Variants in SNX9 observed in about 807,000 individuals in gnomAD.
SNX9 encodes sorting nexin-9.
In SNX9, 44 loss-of-function variants were observed where a neutral mutation model predicts 89.4. The ratio of observed to expected loss-of-function variants is 0.49; its 90% confidence interval spans 0.39 to 0.63. SNX9 has a LOEUF of 0.63. Among genes scored for constraint, SNX9 ranks in the 30% least tolerant of loss-of-function variants. The pLI is 0.00. For missense variants in SNX9, 578 were observed against 736.1 expected (o/e 0.79, Z 2.49); for synonymous variants, 236 against 247.8 (o/e 0.95, Z 0.45).
chr6:157,826,592 G>A (rs1781349494), intron 1 of SNX9, among the ~76,000 whole-genome samples: 1 of 149,434 alleles, frequency 6.7e-6, no homozygotes, highest in Middle Eastern at 3.2e-3. Context: ...TCAGTAGAGT[G>A]CTGCATTCAG....
At chr6:157,900,107 C>G (rs892273999) in intron 5 of SNX9, among the ~76,000 whole-genome samples, 13 of 152,166 alleles carry the variant, frequency 8.5e-5, no homozygotes, top group African/African-American at 2.4e-4. Context: ...CTCCCTGCCC[C>G]TGGTAACCAC....
chr6:157,867,853 A>G (rs1202615015), intron 2 of SNX9, among the ~76,000 whole-genome samples: 1 of 152,200 alleles, frequency 6.6e-6, no homozygotes, highest in African/African-American at 2.4e-5. Flanking sequence ...TACAGGAAAA[A>G]AGTTCCCTAA....
At chr6:157,834,150 G>A (rs11752421) in intron 1 of SNX9, among the ~76,000 whole-genome samples, 6 of 35,642 alleles carry the variant, frequency 1.7e-4, no homozygotes, top group African/African-American at 6.1e-4. Flanking sequence ...GTCCACTGTG[G>A]TTTTTTTTTT....
chr6:157,891,881 T>C (rs898264969), intron 4 of SNX9, among the ~76,000 whole-genome samples: 3 of 152,126 alleles, frequency 2.0e-5, no homozygotes, highest in Admixed American at 2.0e-4. Context: ...AGTTTGAAGC[T>C]TCAGAGTGAA....
intron 3 of SNX9, among the ~76,000 whole-genome samples, chr6:157,873,817 G>T (rs1782466505): frequency 1.3e-5 from 2 of 151,998 alleles, no homozygotes; most frequent in South Asian, 4.2e-4. Flanking sequence ...GCTGCTGTGG[G>T]GATCTCCTGG....
chr6:157,837,146 G>A (rs1010256602), intron 1 of SNX9, among the ~76,000 whole-genome samples: 11 of 152,202 alleles, frequency 7.2e-5, no homozygotes, highest in African/African-American at 2.2e-4. Flanking sequence ...TCACAGATCC[G>A]TAAAATATTC....
chr6:157,835,424 T>A (rs1357178436), intron 1 of SNX9, among the ~76,000 whole-genome samples: 1 of 151,642 alleles, frequency 6.6e-6, no homozygotes, highest in African/African-American at 2.4e-5. Context: ...TTTTTTTTTT[T>A]TTTTTTTAAA....
intron 9 of SNX9, among the ~76,000 whole-genome samples, chr6:157,910,984 G>A (rs138556209): frequency 2.2e-3 from 338 of 152,238 alleles, no homozygotes; most frequent in Non-Finnish European, 3.9e-3. Context: ...GTGGTGGTGT[G>A]CACCTGTAGT....
chr6:157,934,462 A>T (rs9458889), intron 13 of SNX9, among the ~76,000 whole-genome samples: 32,928 of 152,160 alleles, frequency 0.22, 3,632 homozygotes, highest in Non-Finnish European at 0.23. Context: ...AAAACAAATG[A>T]TACATCAAAA....
intron 5 of SNX9, among the ~76,000 whole-genome samples, chr6:157,898,887 G>A (rs1396824007): frequency 6.6e-6 from 1 of 152,202 alleles, no homozygotes; most frequent in African/African-American, 2.4e-5. Context: ...CAGGGGTGTG[G>A]GCTGGGTAGA....
At chr6:157,897,676 G>A (rs934708657) in intron 5 of SNX9, among the ~76,000 whole-genome samples, 5 of 151,926 alleles carry the variant, frequency 3.3e-5, no homozygotes, top group South Asian at 2.1e-4. Flanking sequence ...CGCCACACCC[G>A]GCTGATTTTT....
chr6:157,851,462 T>C (rs1781909612), intron 1 of SNX9, among the ~76,000 whole-genome samples: 1 of 152,142 alleles, frequency 6.6e-6, no homozygotes, highest in South Asian at 2.1e-4. Flanking sequence ...CCATCCCAAA[T>C]AGAAACTCTG....
intron 13 of SNX9, among the ~76,000 whole-genome samples, chr6:157,933,651 G>T (rs566896267): frequency 2.6e-4 from 40 of 152,298 alleles, no homozygotes; most frequent in African/African-American, 9.1e-4. Flanking sequence ...AGAGCTGAGA[G>T]CAAGCCACGC....
chr6:157,896,905 G>T lies in SNX9; in HGVS notation c.379G>T (p.Ala127Ser). ...CTGGGAAAGCTCAGAAGGCTGGGGG[G>T]CCCAGCCAGAGGGGGCTGGAGCCCA... is the stretch of plus-strand genomic sequence containing the variant. ...GNWESSEGWG[A>S]QPEGAGAQRN... Residue 127 changes from alanine to serine, a missense_variant, in exon 5 of 18, where the codon GCC becomes TCC. Physicochemically the swap from Ala to Ser is moderately conservative, Grantham distance 99. Transcript: ENST00000392185. The T allele has an allele frequency of 6.2e-7, 1 of 1,613,384 alleles. No homozygotes were observed. Among genetic ancestry groups the T allele is most frequent in the South Asian group, 1.1e-5 (1 of 91,004 alleles).
chr6:157,851,268 A>C (rs73573834), intron 1 of SNX9, among the ~76,000 whole-genome samples: 12,301 of 151,306 alleles, frequency 0.081, 670 homozygotes, highest in African/African-American at 0.15. Context: ...AAAAAAAAAA[A>C]ACCCTAAAAT....
rs568236822 is a variant in SNX9 at position 157,938,501 on chromosome 6, C to T, written c.1534-132C>T. 3.3e-5 allele frequency: 19 copies of T among 581,746 alleles called. No homozygotes were observed. The South Asian group carries it at 4.9e-4, about 15-fold the overall frequency. The allele number at this position is 581,746 out of a possible 1,614,324, so 36.0% of individuals were successfully genotyped here. On this transcript the variant is annotated intron_variant, in intron 15 of 17. Transcript: ENST00000392185. ...GGAAGTTAAATTTAGATGCTTTCCT[C>T]TCTTCTTATTTTGTGGAGGTATTTC...
chr6:157,927,177 A>T lies in SNX9; in HGVS notation c.1147A>T (p.Met383Leu), dbSNP rs369895280. ...GGCGGGAGTCATGATATTTTCCACC[A>T]TGGAACCAGAGGCACCTGACTTGGA... ...ELAGVMIFST[M>L]EPEAPDLDLV... Residue 383 changes from methionine to leucine, a missense_variant, in exon 11 of 18, where the codon ATG becomes TTG. Physicochemically the swap from Met to Leu is conservative, Grantham distance 15. Around this residue, in one of 2 missense-constraint regions of SNX9, gnomAD observed 348 missense variants for 491.4 expected, o/e 0.71. Transcript: ENST00000392185. 2.5e-6 allele frequency: 4 copies of T among 1,614,130 alleles called. No individual in the cohort carries two copies. The highest frequency in any genetic ancestry group is 3.4e-6 in the Non-Finnish European group (4 of 1,179,974).
intron 9 of SNX9, among the ~76,000 whole-genome samples, chr6:157,911,622 CCT>C (rs1482995641): frequency 1.3e-5 from 2 of 152,150 alleles, no homozygotes; most frequent in Admixed American, 6.5e-5. Flanking sequence ...AACAGGTTCC[CCT>C]CTCTATTGCT....
chr6:157,932,387 G>A, intron 13 of SNX9, 115 bp downstream of exon 13: 1 of 898,366 alleles, frequency 1.1e-6, no homozygotes, highest in Non-Finnish European at 1.8e-6. Flanking sequence ...GGTTGTGGGT[G>A]TGTAAATTGG....
Sources: allele counts gnomAD v4.1 joint callset (sites outside exome capture counted in the v4.1 genomes callset), GRCh38; gene constraint gnomAD v4.1.1; regional missense constraint gnomAD v4.1.1; transcripts MANE v1.5; gene names NCBI Gene and HGNC (gene_info 2026-07-23, HGNC 2026-07-21).